The following SEMA3A variants were observed in gnomAD, a reference collection of about 807,000 sequenced individuals.
The protein encoded by SEMA3A is semaphorin 3A.
Under a neutral mutation model 97.9 loss-of-function variants are expected in SEMA3A, and 29 were observed. The ratio of observed to expected loss-of-function variants is 0.30; its 90% confidence interval spans 0.22 to 0.40. SEMA3A has a LOEUF of 0.40. Ranked by LOEUF, SEMA3A falls within the 10% of genes least tolerant of loss-of-function variation. The probability of loss-of-function intolerance (pLI) is 1.00; values close to 1 mark genes in which losing one functional copy is unlikely to be tolerated. For synonymous variants in SEMA3A, 321 were observed against 323.7 expected (o/e 0.99, Z 0.09); for missense variants, 763 against 951.3 (o/e 0.80, Z 2.60).
intron 16 of SEMA3A, 84 bp downstream of exon 16, chr7:83,963,121 T>C (rs1437063887): frequency 1.4e-6 from 2 of 1,477,454 alleles, no homozygotes; most frequent in Non-Finnish European, 1.9e-6. Context: ...TCAGTGCTTT[T>C]TCTTTCCTCA....
chr7:84,221,516 T>C (rs1246373703), intron 3 of SEMA3A, among the ~76,000 whole-genome samples: 1 of 152,056 alleles, frequency 6.6e-6, no homozygotes, highest in Non-Finnish European at 1.5e-5. Flanking sequence ...TTTCTACCTT[T>C]TGATATAAAG....
Position 84,299,807 on chromosome 7 carries a change from A to AAAAAAC in SEMA3A, c.-83+7399_-83+7400insGTTTTT, listed in dbSNP as rs1177252552. On this transcript the variant is annotated intron_variant, in intron 3 of 3. Transcript: ENST00000424555. ...CAAGCAAACAAATGAATAAGACTAG[A>AAAAAAC]TCACCTGAGGTCAGGAGTTTGAGAC... Among the ~76,000 whole-genome samples the AAAAAAC allele has an allele frequency of 6.0e-3, 756 of 126,700 alleles. 226 individuals are homozygous for AAAAAAC. The highest frequency in any genetic ancestry group is 0.011 in the Middle Eastern group (3 of 270). The allele number at this position is 126,700 out of a possible 152,430, so 83.1% of individuals were successfully genotyped here.
intron 12 of SEMA3A, among the ~76,000 whole-genome samples, chr7:83,986,599 T>C (rs1440023302): frequency 6.6e-6 from 1 of 152,102 alleles, no homozygotes; most frequent in East Asian, 1.9e-4. Context: ...AGACAAACAT[T>C]ACGAGAAGAC....
chr7:84,071,623 T>C (rs1344472397), intron 4 of SEMA3A, among the ~76,000 whole-genome samples: 7 of 152,106 alleles, frequency 4.6e-5, no homozygotes, highest in Non-Finnish European at 1.0e-4. Context: ...ACATTAAATG[T>C]CCATTTATTT....
At chr7:84,474,388 C>T (rs967850150) in intron 1 of SEMA3A, among the ~76,000 whole-genome samples, 1 of 152,134 alleles carries the variant, frequency 6.6e-6, no homozygotes, top group African/African-American at 2.4e-5. Flanking sequence ...AATTCTGCTC[C>T]CCTACGCAGA....
intron 3 of SEMA3A, chr7:84,307,183 T>C (rs1282839616): frequency 6.6e-6 from 1 of 152,168 alleles, no homozygotes; most frequent in Non-Finnish European, 1.5e-5. Flanking sequence ...AACATGCCAA[T>C]GTGTATAAGT....
intron 1 of SEMA3A, among the ~76,000 whole-genome samples, chr7:84,425,225 G>A: frequency 8.8e-6 from 1 of 113,038 alleles, no homozygotes; most frequent in Admixed American, 1.1e-4. Flanking sequence ...ATATACATAT[G>A]AATATATATT....
chr7:84,007,215 T>C, intron 10 of SEMA3A, 138 bp downstream of exon 10: 1 of 607,014 alleles, frequency 1.6e-6, no homozygotes, highest in African/African-American at 1.9e-5. Flanking sequence ...GGAAAATCTT[T>C]GTCTTGCTTT....
chr7:84,042,562 T>C (rs557988466), intron 6 of SEMA3A, among the ~76,000 whole-genome samples: 3 of 152,176 alleles, frequency 2.0e-5, no homozygotes, highest in African/African-American at 7.2e-5. Flanking sequence ...CTCAGATAAT[T>C]AGCATTTATT....
chr7:84,058,435 C>T (rs540740017), intron 5 of SEMA3A, among the ~76,000 whole-genome samples: 6 of 152,146 alleles, frequency 3.9e-5, no homozygotes, highest in African/African-American at 1.4e-4. Flanking sequence ...AGAGAAAATG[C>T]CAACGAAAAC....
At chr7:84,290,755 T>C (rs900612513) in intron 3 of SEMA3A, among the ~76,000 whole-genome samples, 7 of 152,132 alleles carry the variant, frequency 4.6e-5, no homozygotes. Context: ...AGTAAATATG[T>C]TACCTCTACT....
intron 3 of SEMA3A, among the ~76,000 whole-genome samples, chr7:84,304,000 C>T (rs1801091791): frequency 6.6e-6 from 1 of 152,068 alleles, no homozygotes; most frequent in South Asian, 2.1e-4. Flanking sequence ...TGTTTTAACT[C>T]AATTCACTGG....
At chr7:84,049,656 G>A (rs1562996457) in intron 5 of SEMA3A, among the ~76,000 whole-genome samples, 3 of 151,278 alleles carry the variant, frequency 2.0e-5, no homozygotes, top group South Asian at 2.1e-4. Flanking sequence ...CTTCTTTTGT[G>A]GTTTCTAGGC....
intron 1 of SEMA3A, among the ~76,000 whole-genome samples, chr7:84,484,943 T>C (rs549708572): frequency 6.6e-6 from 1 of 152,344 alleles, no homozygotes; most frequent in South Asian, 2.1e-4. Flanking sequence ...TTGGCATGTT[T>C]GTACATATTT....
chr7:84,330,671 A>G (rs1801888930), intron 2 of SEMA3A, among the ~76,000 whole-genome samples: 1 of 152,014 alleles, frequency 6.6e-6, no homozygotes, highest in Non-Finnish European at 1.5e-5. Flanking sequence ...CCTGTGGTAC[A>G]TGGGATATGG....
intron 1 of SEMA3A, among the ~76,000 whole-genome samples, chr7:84,439,890 A>T (rs1179147555): frequency 6.6e-6 from 1 of 152,204 alleles, no homozygotes; most frequent in Non-Finnish European, 1.5e-5. Flanking sequence ...AAGATGAATA[A>T]AATCAGGTTA....
At chr7:84,356,060 A>T (rs997278259) in intron 2 of SEMA3A, among the ~76,000 whole-genome samples, 1 of 151,974 alleles carries the variant, frequency 6.6e-6, no homozygotes, top group African/African-American at 2.4e-5. Context: ...TAACTCATGA[A>T]TTGTATTTTA....
chr7:84,284,560 C>T (rs1405798708), intron 3 of SEMA3A, among the ~76,000 whole-genome samples: 2 of 152,084 alleles, frequency 1.3e-5, no homozygotes, highest in African/African-American at 4.8e-5. Flanking sequence ...AATGCTTTGT[C>T]TCCTAGAACT....
intron 4 of SEMA3A, among the ~76,000 whole-genome samples, chr7:84,066,374 C>T (rs541528611): frequency 2.1e-4 from 32 of 150,488 alleles, no homozygotes; most frequent in African/African-American, 7.9e-4. Flanking sequence ...ACAGGGATGC[C>T]CTCTCTCACC....
Sources: gnomAD v4.1 joint callset for allele counts (sites outside exome capture counted in the v4.1 genomes callset) on GRCh38, gnomAD v4.1.1 for gene constraint, MANE v1.5 for transcripts, NCBI Gene and HGNC (gene_info 2026-07-23, HGNC 2026-07-21) for gene names.